Variants in FTO observed in about 807,000 individuals in gnomAD.
The protein encoded by FTO is alpha-ketoglutarate-dependent dioxygenase FTO.
FTO carries 47 observed loss-of-function variants against 63.9 expected under a neutral mutation model. The ratio of observed to expected loss-of-function variants is 0.74; its 90% confidence interval spans 0.58 to 0.94. FTO has a LOEUF of 0.94. Ranked by LOEUF, FTO falls within the 40% of genes least tolerant of loss-of-function variation. The pLI, the probability that FTO is intolerant of heterozygous loss-of-function variation, is 0.00. For missense variants in FTO, 562 were observed against 618.1 expected (o/e 0.91, Z 0.96); for synonymous variants, 207 against 224.4 (o/e 0.92, Z 0.69).
intron 1 of FTO, among the ~76,000 whole-genome samples, chr16:53,745,478 TC>T (rs2076629063): frequency 1.3e-5 from 2 of 152,172 alleles, no homozygotes; most frequent in African/African-American, 4.8e-5. Context: ...AGAATTCAGC[TC>T]CACTGTGATT....
chr16:53,970,097 A>G (rs904384295), intron 8 of FTO, among the ~76,000 whole-genome samples: 2 of 152,238 alleles, frequency 1.3e-5, no homozygotes, highest in Middle Eastern at 3.2e-3. Flanking sequence ...TGCCTGTTGC[A>G]TGGTGAGGAG....
intron 8 of FTO, among the ~76,000 whole-genome samples, chr16:54,001,459 C>G (rs1306990748): frequency 6.6e-6 from 1 of 152,100 alleles, no homozygotes; most frequent in Non-Finnish European, 1.5e-5. Flanking sequence ...CATAAGGAAA[C>G]TACTTCCTTT....
chr16:54,061,605 TTGTG>T (rs78465059), intron 8 of FTO: 11,071 of 149,480 alleles, frequency 0.074, 575 homozygotes, highest in East Asian at 0.15. Flanking sequence ...GCATGTGTGT[TTGTG>T]TGTGTGTGTG....
At chr16:54,006,493 A>G (rs1248321169) in intron 8 of FTO, among the ~76,000 whole-genome samples, 2 of 152,250 alleles carry the variant, frequency 1.3e-5, no homozygotes, top group African/African-American at 4.8e-5. Context: ...AAGATATTTT[A>G]TGAATCAGAA....
At chr16:53,852,957 C>T (rs1320098493) in intron 4 of FTO, among the ~76,000 whole-genome samples, 1 of 152,190 alleles carries the variant, frequency 6.6e-6, no homozygotes, top group African/African-American at 2.4e-5. Flanking sequence ...AGTTATCATA[C>T]TGGGATTTCT....
At chr16:53,958,278 A>G (rs2082976664) in intron 8 of FTO, among the ~76,000 whole-genome samples, 1 of 152,174 alleles carries the variant, frequency 6.6e-6, no homozygotes, top group Non-Finnish European at 1.5e-5. Context: ...GATTTTCCCC[A>G]GAAAGGGATG....
At chr16:54,012,147 C>G (rs1387106996) in intron 8 of FTO, among the ~76,000 whole-genome samples, 1 of 152,058 alleles carries the variant, frequency 6.6e-6, no homozygotes, top group African/African-American at 2.4e-5. Context: ...AGATCCTGCA[C>G]CAAATTAAAA....
chr16:53,774,180 A>G (rs945573464), intron 1 of FTO, among the ~76,000 whole-genome samples: 6 of 152,036 alleles, frequency 3.9e-5, no homozygotes, highest in Non-Finnish European at 8.8e-5. Context: ...CCACTAACTT[A>G]CCCTCTATGA....
At chr16:53,892,887 C>T (rs544366683) in intron 7 of FTO, among the ~76,000 whole-genome samples, 1 of 152,264 alleles carries the variant, frequency 6.6e-6, no homozygotes, top group South Asian at 2.1e-4. Context: ...AATCGCTTTT[C>T]TTCCATTAAT....
At chr16:54,011,187 A>T (rs1489402474) in intron 8 of FTO, among the ~76,000 whole-genome samples, 1 of 152,244 alleles carries the variant, frequency 6.6e-6, no homozygotes, top group Non-Finnish European at 1.5e-5. Flanking sequence ...ACACAGACTC[A>T]GAGAAAACAA....
intron 1 of FTO, among the ~76,000 whole-genome samples, chr16:53,784,427 A>G (rs1176870132): frequency 6.6e-6 from 1 of 152,206 alleles, no homozygotes; most frequent in Admixed American, 6.5e-5. Flanking sequence ...TTCAAAAGTA[A>G]ATACTTTTTC....
intron 1 of FTO, among the ~76,000 whole-genome samples, chr16:53,770,913 T>A (rs1011866586): frequency 6.6e-6 from 1 of 152,152 alleles, no homozygotes; most frequent in African/African-American, 2.4e-5. Context: ...TTGCGAGACG[T>A]TGTTTGAAAA....
intron 8 of FTO, among the ~76,000 whole-genome samples, chr16:53,982,884 AT>A (rs1341760730): frequency 6.6e-6 from 1 of 152,132 alleles, no homozygotes; most frequent in Non-Finnish European, 1.5e-5. Flanking sequence ...ATTCAGATAG[AT>A]TTTTTTATGA....
intron 8 of FTO, chr16:53,984,825 T>C (rs1194838596): frequency 2.4e-6 from 1 of 424,386 alleles, no homozygotes; most frequent in Admixed American, 2.9e-5. Flanking sequence ...ATTTTAATTA[T>C]TTTAATATTG....
At chr16:53,795,269 T>C (rs1258963231) in intron 1 of FTO, among the ~76,000 whole-genome samples, 1 of 152,174 alleles carries the variant, frequency 6.6e-6, no homozygotes, top group East Asian at 1.9e-4. Context: ...TCAGAATGTA[T>C]CATAAAGAGA....
chr16:53,886,556 C>A (rs942932935), intron 6 of FTO, among the ~76,000 whole-genome samples: 1 of 152,230 alleles, frequency 6.6e-6, no homozygotes, highest in Non-Finnish European at 1.5e-5. Flanking sequence ...CATCTGTTAA[C>A]CACTGTCTTT....
rs74859250 is a variant in FTO at position 53,869,197 on chromosome 16, T to A, written c.896-4589T>A. ...ACAATTCTAGGTTGCTGTTTTTTTT[T>A]CCTCTCAACACCTTAAGTATTTCAC... On this transcript the variant is annotated intron_variant, in intron 4 of 8. Coordinates refer to ENST00000471389, the MANE Select transcript of FTO (RefSeq NM_001080432.3). 7.2e-3 allele frequency among the ~76,000 whole-genome samples: 1,095 copies of A among 152,250 alleles called. 11 individuals are homozygous for A. Among genetic ancestry groups the A allele is most frequent in the African/African-American group, 0.025 (1,040 of 41,542 alleles).
intron 1 of FTO, among the ~76,000 whole-genome samples, chr16:53,744,831 C>CG (rs893862412): frequency 4.3e-5 from 3 of 70,530 alleles, no homozygotes; most frequent in African/African-American, 9.1e-5. Flanking sequence ...TTCTTCCCCC[C>CG]CCCCATATAT....
At chr16:54,111,650 C>T in intron 8 of FTO, 112 bp from the exon 9 acceptor site, 1 of 1,118,144 alleles carries the variant, frequency 8.9e-7, no homozygotes, top group Non-Finnish European at 1.4e-6. Context: ...ATGACCTTCA[C>T]CCCCGAGGAC....
Sources: gnomAD v4.1 joint callset for allele counts (sites outside exome capture counted in the v4.1 genomes callset) on GRCh38, gnomAD v4.1.1 for gene constraint, MANE v1.5 for transcripts, NCBI Gene and HGNC (gene_info 2026-07-23, HGNC 2026-07-21) for gene names.